The following KIF16B variants were observed in gnomAD, a reference collection of about 807,000 sequenced individuals.
KIF16B encodes the protein kinesin family member 16B, also known as kinesin-like protein KIF16B.
In KIF16B, 98 loss-of-function variants were observed where a neutral mutation model predicts 156.3. That is an observed-to-expected ratio of 0.63 (90% confidence interval 0.53 to 0.74). The LOEUF (loss-of-function observed/expected upper bound fraction) is 0.74, where lower values mean the gene tolerates loss of function less well. Ranked by LOEUF, KIF16B falls within the 30% of genes least tolerant of loss-of-function variation. The pLI, the probability that KIF16B is intolerant of heterozygous loss-of-function variation, is 0.00. For synonymous variants in KIF16B, 564 were observed against 583.7 expected, an observed-to-expected ratio of 0.97 and a Z score of 0.49; for missense variants, 1,421 against 1,606.5, an observed-to-expected ratio of 0.88 and a Z score of 1.97.
At chr20:16,435,055 A>G (rs755448697) in intron 12 of KIF16B, among the ~76,000 whole-genome samples, 5 of 152,242 alleles carry the variant, frequency 3.3e-5, no homozygotes, top group Non-Finnish European at 5.9e-5. Context: ...ATGTGATTTT[A>G]TTTAAATTTA....
At chr20:16,332,687 A>T (rs1396266204) in intron 24 of KIF16B, among the ~76,000 whole-genome samples, 3 of 152,188 alleles carry the variant, frequency 2.0e-5, no homozygotes, top group Non-Finnish European at 2.9e-5. Flanking sequence ...TATGAATAGA[A>T]ATGGTCTGAA....
intron 12 of KIF16B, among the ~76,000 whole-genome samples, chr20:16,489,114 C>T (rs997201502): frequency 2.0e-5 from 3 of 152,188 alleles, no homozygotes; most frequent in African/African-American, 7.2e-5. Flanking sequence ...TCACCCTAGG[C>T]AGGAGGGGCA....
At chr20:16,454,513 C>T (rs915759088) in intron 12 of KIF16B, among the ~76,000 whole-genome samples, 3 of 151,714 alleles carry the variant, frequency 2.0e-5, no homozygotes, top group Non-Finnish European at 2.9e-5. Context: ...TTGTTGTCCC[C>T]GTAGATAACC....
In KIF16B at chr20:16,567,947, G is replaced by A. The variant is rs143954856; in HGVS notation, c.47+5282C>T. Among the ~76,000 whole-genome samples the A allele has an allele frequency of 3.9e-3, 592 of 152,242 alleles. 1 individual carries two copies. The highest frequency in any genetic ancestry group is 6.2e-3 in the Non-Finnish European group (423 of 68,008). ...AGCCTGGGCAACAGAGCGAGACTTC[G>A]TCTCAAAAAAAAGAAATAAGTGTAG... On this transcript the variant is annotated intron_variant, in intron 1 of 25. Coordinates refer to ENST00000354981, the MANE Select transcript of KIF16B (RefSeq NM_024704.5).
intron 24 of KIF16B, among the ~76,000 whole-genome samples, chr20:16,333,719 A>T (rs116128735): frequency 5.7e-4 from 87 of 152,236 alleles, no homozygotes; most frequent in African/African-American, 2.1e-3. Context: ...TGTTTCTGTT[A>T]TGTTCATTCT....
chr20:16,499,419 C>T (rs1038271691), intron 10 of KIF16B, among the ~76,000 whole-genome samples: 2 of 152,184 alleles, frequency 1.3e-5, no homozygotes, highest in African/African-American at 4.8e-5. Flanking sequence ...ATCTGGTTTG[C>T]ATAGAATGAA....
intron 25 of KIF16B, among the ~76,000 whole-genome samples, chr20:16,299,197 T>C (rs2063435821): frequency 6.6e-6 from 1 of 152,132 alleles, no homozygotes; most frequent in South Asian, 2.1e-4. Flanking sequence ...ATGCCTGATA[T>C]TTGCTTTAAA....
chr20:16,524,797 C>A (rs1012704078), intron 3 of KIF16B, among the ~76,000 whole-genome samples: 5 of 152,142 alleles, frequency 3.3e-5, no homozygotes, highest in African/African-American at 1.2e-4. Flanking sequence ...CAATGATAGA[C>A]TGGATAAAGA....
intron 12 of KIF16B, among the ~76,000 whole-genome samples, chr20:16,463,843 T>C (rs1182450056): frequency 6.6e-6 from 1 of 152,206 alleles, no homozygotes. Context: ...GTTGCCAGCA[T>C]ATAGAGTATT....
chr20:16,396,241 C>T (rs1023065447), intron 17 of KIF16B, among the ~76,000 whole-genome samples: 21 of 152,078 alleles, frequency 1.4e-4, no homozygotes, highest in Non-Finnish European at 1.3e-4. Context: ...TTATGAGACT[C>T]ACCTAATTAT....
chr20:16,550,983 A>G (rs1285676836), intron 1 of KIF16B, among the ~76,000 whole-genome samples: 1 of 152,216 alleles, frequency 6.6e-6, no homozygotes, highest in Non-Finnish European at 1.5e-5. Context: ...AGGAATGAAA[A>G]TGCTGGCTGA....
intron 12 of KIF16B, among the ~76,000 whole-genome samples, chr20:16,431,913 T>TACACACAC (rs74175693): frequency 0.047 from 6,810 of 143,714 alleles, 279 homozygotes; most frequent in African/African-American, 0.11. Flanking sequence ...TGTATACGTA[T>TACACACAC]ACACACACAC....
chr20:16,459,700 C>T (rs2067296547), intron 12 of KIF16B, among the ~76,000 whole-genome samples: 1 of 152,210 alleles, frequency 6.6e-6, no homozygotes, highest in Non-Finnish European at 1.5e-5. Context: ...TATCTTGGGC[C>T]TGCTCCTCAG....
Position 16,504,440 on chromosome 20 carries a change from C to T in KIF16B, c.1108G>A (p.Val370Ile). ...GCTCGCAGCTCACGGATAAGTTTGACGTTGGCATCCTCATTAATGGTAGGC... is the reference window on the plus strand; with the variant it reads ...GCTCGCAGCTCACGGATAAGTTTGATGTTGGCATCCTCATTAATGGTAGGC... ...NKPTINEDAN[V>I]KLIRELRAEI... The change falls in exon 10 of 26, where the codon GTC (valine) becomes ATC (isoleucine). Residue 370 changes from valine (V) to isoleucine (I), a missense_variant. Coordinates refer to ENST00000354981, the MANE Select transcript of KIF16B (RefSeq NM_024704.5). 1 of 1,614,040 alleles carries T rather than the reference C, an allele frequency of 6.2e-7. No homozygotes were observed. Among genetic ancestry groups the T allele is most frequent in the Non-Finnish European group, 8.5e-7 (1 of 1,179,972 alleles).
At chr20:16,303,097 A>G (rs2063495699) in intron 25 of KIF16B, among the ~76,000 whole-genome samples, 2 of 152,224 alleles carry the variant, frequency 1.3e-5, no homozygotes, top group Non-Finnish European at 2.9e-5. Context: ...TAAAAAAACA[A>G]TAATCATTTC....
chr20:16,549,026 G>GT lies in KIF16B; in HGVS notation c.48-20587dup, dbSNP rs1046808109. Among the ~76,000 whole-genome samples, 22 of 124,278 alleles carry GT rather than the reference G, an allele frequency of 1.8e-4. No individual in the cohort carries two copies. The East Asian group carries it at 1.9e-3, about 11-fold the overall frequency. The allele number at this position is 124,278 out of a possible 152,430, so 81.5% of individuals were successfully genotyped here. On this transcript the variant is annotated intron_variant, in intron 1 of 25. Coordinates refer to ENST00000354981, the MANE Select transcript of KIF16B (RefSeq NM_024704.5). The stretch of plus-strand genomic sequence containing the variant: ...CTCATTTTCGGTTTTTTTTTTTTAT[G>GT]TTTTTTTTTCGTTAGTTTTTTTTTT...
chr20:16,415,489 G>C (rs2066063391), intron 15 of KIF16B, among the ~76,000 whole-genome samples: 1 of 151,988 alleles, frequency 6.6e-6, no homozygotes, highest in Non-Finnish European at 1.5e-5. Flanking sequence ...AACAAAAGCT[G>C]CATCATCTTC....
At chr20:16,506,226 C>G in intron 7 of KIF16B, 36 bp from the exon 8 acceptor site, 1 of 1,551,534 alleles carries the variant, frequency 6.4e-7, no homozygotes, top group Non-Finnish European at 8.9e-7. Flanking sequence ...TGAAGAGGTG[C>G]AAAGGGCCCT....
intron 16 of KIF16B, 125 bp from the exon 17 acceptor site, chr20:16,405,026 A>C (rs1165991801): frequency 7.5e-6 from 5 of 670,810 alleles, no homozygotes; most frequent in Non-Finnish European, 1.3e-5. Flanking sequence ...CACGCACCAC[A>C]ATTAACTGGT....
Sources: allele counts gnomAD v4.1 joint callset (sites outside exome capture counted in the v4.1 genomes callset), GRCh38; gene constraint gnomAD v4.1.1; transcripts MANE v1.5; gene names NCBI Gene and HGNC (gene_info 2026-07-23, HGNC 2026-07-21).